The following CFAP299 variants were observed in gnomAD, a reference collection of about 807,000 sequenced individuals.
The protein encoded by CFAP299 is cilia and flagella associated protein 299, also known as cilia- and flagella-associated protein 299.
In CFAP299, 21 loss-of-function variants were observed where a neutral mutation model predicts 27.0. That is an observed-to-expected ratio of 0.78 (90% CI 0.55 to 1.12). CFAP299 has a LOEUF of 1.12. Among genes scored for constraint, CFAP299 ranks in the 50% most tolerant of loss-of-function variants. The pLI is 0.00. For synonymous variants in CFAP299, 104 were observed against 98.1 expected (o/e 1.06, Z -0.36); for missense variants, 310 against 276.6 (o/e 1.12, Z -0.86).
At chr4:80,489,286 T>G (rs2110136384) in intron 2 of CFAP299, among the ~76,000 whole-genome samples, 1 of 152,290 alleles carries the variant, frequency 6.6e-6, no homozygotes, top group South Asian at 2.1e-4. Flanking sequence ...GCCATTGAAA[T>G]GGCTGCAGCT....
Position 80,828,209 on chromosome 4 carries a change from A to G in CFAP299, c.334-41784A>G, listed in dbSNP as rs999607753. 7.2e-5 allele frequency among the ~76,000 whole-genome samples: 11 copies of G among 152,144 alleles called. No homozygotes were observed. The South Asian group carries it at 1.2e-3, about 17-fold the overall frequency. On this transcript the variant is annotated intron_variant, in intron 3 of 5. Coordinates refer to ENST00000358105, the MANE Select transcript of CFAP299 (RefSeq NM_152770.3). Reference sequence around the variant, plus strand: ...TAGAAAAGTCCTTTCTGAAATTCATATGGAATCTCAAGGGACCTGGAAGAG... The same window carrying G: ...TAGAAAAGTCCTTTCTGAAATTCATGTGGAATCTCAAGGGACCTGGAAGAG...
At chr4:80,800,374 A>G (rs1031559294) in intron 3 of CFAP299, among the ~76,000 whole-genome samples, 28 of 67,294 alleles carry the variant, frequency 4.2e-4, no homozygotes, top group Admixed American at 8.4e-4. Flanking sequence ...AATATAATAT[A>G]TATAATATAT....
chr4:80,475,002 G>C (rs1235008586), intron 2 of CFAP299, among the ~76,000 whole-genome samples: 4 of 152,160 alleles, frequency 2.6e-5, no homozygotes, highest in Admixed American at 6.6e-5. Flanking sequence ...CCCAGCAGAG[G>C]TTTGTCAGCT....
intron 3 of CFAP299, among the ~76,000 whole-genome samples, chr4:80,756,005 C>G (rs1357761208): frequency 6.6e-6 from 1 of 152,104 alleles, no homozygotes; most frequent in Non-Finnish European, 1.5e-5. Flanking sequence ...TGTATATACC[C>G]TGTTGGACCC....
rs151160884 is a variant in CFAP299 at position 80,414,711 on chromosome 4, A to T, written c.242+51827A>T. ...GGAATCCTCCCTGCCCATCCCCTGAAGGACATATATTGTATTCTAACAGAC... is the reference window on the plus strand; with the variant it reads ...GGAATCCTCCCTGCCCATCCCCTGATGGACATATATTGTATTCTAACAGAC... On this transcript the variant is annotated intron_variant, in intron 2 of 5. Transcript: ENST00000358105. 2.4e-3 allele frequency among the ~76,000 whole-genome samples: 362 copies of T among 152,318 alleles called. 2 individuals carry two copies. The highest frequency in any genetic ancestry group is 7.9e-3 in the African/African-American group (330 of 41,582).
chr4:80,696,711 G>T (rs1366980951), intron 3 of CFAP299, among the ~76,000 whole-genome samples: 1 of 152,104 alleles, frequency 6.6e-6, no homozygotes, highest in Non-Finnish European at 1.5e-5. Context: ...ATTATGGAAG[G>T]CTCCTCTGAG....
In CFAP299 at chr4:80,410,339, G is replaced by A. The variant is rs148816876; in HGVS notation, c.242+47455G>A. Among the ~76,000 whole-genome samples the A allele has an allele frequency of 6.7e-3, 1,016 of 152,250 alleles. 3 individuals carry two copies. The highest frequency in any genetic ancestry group is 0.031 in the Middle Eastern group (9 of 294). On this transcript the variant is annotated intron_variant, in intron 2 of 5. Coordinates refer to ENST00000358105, the MANE Select transcript of CFAP299 (RefSeq NM_152770.3). ...ATAGCCATTGCCTTGGATGATTTGC[G>A]TGTCCTCCCACCTCAGTGCAGGGAA...
intron 3 of CFAP299, among the ~76,000 whole-genome samples, chr4:80,588,234 T>G (rs1404711564): frequency 1.3e-5 from 2 of 150,872 alleles, no homozygotes; most frequent in African/African-American, 5.0e-5. Context: ...CTAAGGACAG[T>G]CCTTTCAAGG....
intron 4 of CFAP299, among the ~76,000 whole-genome samples, chr4:80,908,547 C>T (rs1735300379): frequency 6.6e-6 from 1 of 152,146 alleles, no homozygotes; most frequent in Admixed American, 6.6e-5. Flanking sequence ...CTCTTACATA[C>T]TCTGATTTGG....
intron 3 of CFAP299, among the ~76,000 whole-genome samples, chr4:80,646,232 C>G (rs2109964321): frequency 6.6e-6 from 1 of 152,214 alleles, no homozygotes; most frequent in Non-Finnish European, 1.5e-5. Context: ...CCTTGACATT[C>G]CTTCGTCCCA....
At chr4:80,421,144 T>A (rs766491911) in intron 2 of CFAP299, among the ~76,000 whole-genome samples, 8 of 152,210 alleles carry the variant, frequency 5.3e-5, no homozygotes, top group Non-Finnish European at 1.2e-4. Context: ...CCTTGATATA[T>A]ACTAACAGTC....
At chr4:80,828,922 TA>T (rs1158338852) in intron 3 of CFAP299, among the ~76,000 whole-genome samples, 11 of 151,806 alleles carry the variant, frequency 7.2e-5, no homozygotes, top group Admixed American at 1.3e-4. Flanking sequence ...TAACATCACA[TA>T]AAAAAATTAA....
intron 2 of CFAP299, among the ~76,000 whole-genome samples, chr4:80,508,497 C>T (rs1342694420): frequency 3.3e-5 from 5 of 152,066 alleles, no homozygotes; most frequent in Non-Finnish European, 7.4e-5. Context: ...GGCCTTATCT[C>T]TCTTTTAAAT....
intron 3 of CFAP299, among the ~76,000 whole-genome samples, chr4:80,713,294 G>A (rs1007065565): frequency 6.6e-6 from 1 of 152,138 alleles, no homozygotes; most frequent in Non-Finnish European, 1.5e-5. Flanking sequence ...CATGTAGGAG[G>A]CCACTGAAGA....
chr4:80,776,558 G>A (rs1165262437), intron 3 of CFAP299, among the ~76,000 whole-genome samples: 7 of 152,012 alleles, frequency 4.6e-5, no homozygotes, highest in Non-Finnish European at 8.8e-5. Flanking sequence ...GACACAGGGA[G>A]GGGAACATCA....
intron 3 of CFAP299, among the ~76,000 whole-genome samples, chr4:80,803,021 A>G (rs1728690755): frequency 6.6e-6 from 1 of 152,112 alleles, no homozygotes. Flanking sequence ...ATAGGGATTC[A>G]GCTCAACTTT....
chr4:80,554,311 T>G (rs1029853022), intron 2 of CFAP299, among the ~76,000 whole-genome samples: 1 of 152,130 alleles, frequency 6.6e-6, no homozygotes, highest in African/African-American at 2.4e-5. Flanking sequence ...GTGTGTGGTC[T>G]TATTTCTGTG....
At chr4:80,826,593 A>T (rs966453554) in intron 3 of CFAP299, among the ~76,000 whole-genome samples, 7 of 151,836 alleles carry the variant, frequency 4.6e-5, no homozygotes, top group Non-Finnish European at 7.4e-5. Flanking sequence ...TTGAAGGCAG[A>T]TATAGACAGT....
At chr4:80,711,091 AC>A (rs1240315198) in intron 3 of CFAP299, among the ~76,000 whole-genome samples, 1 of 152,210 alleles carries the variant, frequency 6.6e-6, no homozygotes, top group African/African-American at 2.4e-5. Flanking sequence ...TGCTGACACT[AC>A]ACAGGCACAC....
Sources: gnomAD v4.1 joint callset for allele counts (sites outside exome capture counted in the v4.1 genomes callset) on GRCh38, gnomAD v4.1.1 for gene constraint, MANE v1.5 for transcripts, NCBI Gene and HGNC (gene_info 2026-07-23, HGNC 2026-07-21) for gene names.